The following NBEAL1 variants were observed in gnomAD, a reference collection of about 807,000 sequenced individuals.
NBEAL1 encodes the protein neurobeachin-like protein 1.
NBEAL1 carries 273 observed loss-of-function variants against 351.3 expected under a neutral mutation model. The ratio of observed to expected loss-of-function variants is 0.78; its 90% CI spans 0.70 to 0.86. The LOEUF (loss-of-function observed/expected upper bound fraction) is 0.86, where lower values mean the gene tolerates loss of function less well. Ranked by LOEUF, NBEAL1 falls within the 40% of genes least tolerant of loss-of-function variation. NBEAL1 has a pLI of 0.00. For missense variants in NBEAL1, 2,961 were observed against 3,201.3 expected (o/e 0.92, Z 1.81); for synonymous variants, 1,050 against 1,086.4 (o/e 0.97, Z 0.66).
In NBEAL1 at chr2:203,209,348, G is replaced by A. The variant is rs769955388; in HGVS notation, c.7785+26G>A. 3.2e-6 allele frequency: 5 copies of A among 1,569,288 alleles called. No individual in the cohort carries two copies. In the African/African-American group the frequency reaches 5.4e-5, roughly 17 times the overall value. On this transcript the variant is annotated intron_variant, in intron 53 of 55. Coordinates refer to ENST00000683969, the MANE Select transcript of NBEAL1 (RefSeq NM_001378026.1). Reference sequence around the variant, plus strand: ...GTATATGACCTTTCATGCAATAGAGGTAGACTCCCAATAGCATATCTTTCC... The same window carrying A: ...GTATATGACCTTTCATGCAATAGAGATAGACTCCCAATAGCATATCTTTCC...
intron 36 of NBEAL1, among the ~76,000 whole-genome samples, 154 bp from the exon 37 acceptor site, chr2:203,165,995 C>T (rs372938736): frequency 1.3e-5 from 2 of 151,750 alleles, no homozygotes; most frequent in African/African-American, 2.4e-5. Flanking sequence ...GTGATTGAGC[C>T]GACATTGTGC....
At chr2:203,162,883 G>T (rs193137645) in intron 36 of NBEAL1, among the ~76,000 whole-genome samples, 7 of 151,942 alleles carry the variant, frequency 4.6e-5, no homozygotes, top group African/African-American at 1.7e-4. Flanking sequence ...GCCAGGTGCG[G>T]TGGCTCACGC....
intron 11 of NBEAL1, among the ~76,000 whole-genome samples, chr2:203,099,193 T>G (rs1308610488): frequency 6.6e-6 from 1 of 151,824 alleles, no homozygotes; most frequent in Non-Finnish European, 1.5e-5. Flanking sequence ...GGAGAATCAC[T>G]TGAACCTGGG....
At chr2:203,068,188 A>G (rs2061624534) in intron 6 of NBEAL1, among the ~76,000 whole-genome samples, 1 of 152,232 alleles carries the variant, frequency 6.6e-6, no homozygotes, top group Non-Finnish European at 1.5e-5. Context: ...ACCATGTTGC[A>G]TAATTCAAAA....
chr2:203,079,691 G>A lies in NBEAL1; in HGVS notation c.684+1854G>A, dbSNP rs150721632. ...TTTAAATTATAATTTAAAAAACTTA[G>A]AAACCTGTATTTTTAAAAACTTAAG... On this transcript the variant is annotated intron_variant, in intron 8 of 55. Transcript: ENST00000683969. Among the ~76,000 whole-genome samples, 976 of 152,036 alleles carry A rather than the reference G, an allele frequency of 6.4e-3. 2 individuals are homozygous for A. Among genetic ancestry groups the A allele is most frequent in the Non-Finnish European group, 0.01 (682 of 67,970 alleles).
intron 11 of NBEAL1, among the ~76,000 whole-genome samples, chr2:203,099,411 G>C (rs2062258188): frequency 1.3e-5 from 2 of 152,010 alleles, no homozygotes; most frequent in African/African-American, 2.4e-5. Context: ...TGTAATAAGT[G>C]AATGTTGCCT....
At chr2:203,051,055 T>G (rs935488176) in intron 4 of NBEAL1, among the ~76,000 whole-genome samples, 2 of 152,252 alleles carry the variant, frequency 1.3e-5, no homozygotes, top group Non-Finnish European at 2.9e-5. Flanking sequence ...AGTGGATGAA[T>G]AGGGACTTAA....
At chr2:203,024,199 C>T (rs966924687) in intron 2 of NBEAL1, among the ~76,000 whole-genome samples, 8 of 88,084 alleles carry the variant, frequency 9.1e-5, no homozygotes, top group African/African-American at 3.4e-4. Context: ...CTTTCTCACA[C>T]AAAAAAAAAA....
intron 2 of NBEAL1, among the ~76,000 whole-genome samples, chr2:203,024,107 AT>A (rs1322053307): frequency 6.7e-6 from 1 of 150,314 alleles, no homozygotes; most frequent in African/African-American, 2.5e-5. Flanking sequence ...AGGGTGGGAG[AT>A]TTGCTTGAGC....
chr2:203,084,487 G>A lies in NBEAL1; in HGVS notation c.1016G>A (p.Cys339Tyr). 1.3e-6 allele frequency: 2 copies of A among 1,522,840 alleles called. No homozygotes were observed. Among genetic ancestry groups the A allele is most frequent in the East Asian group, 2.5e-5 (1 of 40,228 alleles). The allele number at this position is 1,522,840 out of a possible 1,614,324, so 94.3% of individuals were successfully genotyped here. ...GATACCATCACAGCCATGTTAGATT[G>A]TACAGATAGACCTGTTCTTCAGGCC... is the stretch of plus-strand genomic sequence containing the variant. Reference protein sequence around the residue: ...MLNTITAMLDCTDRPVLQAIF... With the variant: ...MLNTITAMLDYTDRPVLQAIF... The change falls in exon 10 of 56, where the codon TGT becomes TAT. Residue 339 changes from cysteine (C) to tyrosine (Y), a missense_variant. By Grantham distance (194) the Cys-to-Tyr change is radical. Transcript: ENST00000683969.
chr2:203,094,860 G>A (rs1202694226), intron 10 of NBEAL1, among the ~76,000 whole-genome samples: 2 of 152,172 alleles, frequency 1.3e-5, no homozygotes, highest in African/African-American at 2.4e-5. Flanking sequence ...AGTGGCTCAC[G>A]CCTGTAATCC....
intron 6 of NBEAL1, among the ~76,000 whole-genome samples, chr2:203,066,323 C>CTTTTTTT (rs35459326): frequency 7.1e-6 from 1 of 139,984 alleles, no homozygotes; most frequent in Non-Finnish European, 1.5e-5. Context: ...AAATTTTATC[C>CTTTTTTT]TTTTTTTTTT....
At chr2:203,049,677 A>G in intron 3 of NBEAL1, 137 bp from the exon 4 acceptor site, 1 of 651,330 alleles carries the variant, frequency 1.5e-6, no homozygotes, top group South Asian at 2.4e-5. Context: ...TGTGTTGCAG[A>G]CGAGAAGGCA....
chr2:203,110,776 T>TTG (rs2062553488), intron 15 of NBEAL1, among the ~76,000 whole-genome samples: 1 of 143,748 alleles, frequency 7.0e-6, no homozygotes, highest in Non-Finnish European at 1.5e-5. Flanking sequence ...TCTTTTTTTT[T>TTG]TTTTTTTTGA....
intron 14 of NBEAL1, 112 bp from the exon 15 acceptor site, chr2:203,110,038 C>A: frequency 9.5e-7 from 1 of 1,052,756 alleles, no homozygotes; most frequent in Non-Finnish European, 1.3e-6. Context: ...GAATTTAAGC[C>A]ACAGAATTGT....
At chr2:203,066,453 A>G (rs2061588252) in intron 6 of NBEAL1, among the ~76,000 whole-genome samples, 1 of 152,128 alleles carries the variant, frequency 6.6e-6, no homozygotes, top group African/African-American at 2.4e-5. Flanking sequence ...ACAGAACAAA[A>G]TGGTATCTCC....
rs192842974 is a variant in NBEAL1 at position 203,087,903 on chromosome 2, G to A, written c.1098+3334G>A. On this transcript the variant is annotated intron_variant, in intron 10 of 55. Transcript: ENST00000683969. ...AGCTTAATAAATAAAGTTGAAAATC[G>A]ATTAAATTTGCAGTTGGTTGCCTAG... is the stretch of plus-strand genomic sequence containing the variant. Among the ~76,000 whole-genome samples, 106 of 152,272 alleles carry A rather than the reference G, an allele frequency of 7.0e-4. 2 individuals carry two copies. In the South Asian group the frequency reaches 0.019, roughly 27 times the overall value.
At chr2:203,049,081 A>T (rs2061280424) in intron 3 of NBEAL1, among the ~76,000 whole-genome samples, 2 of 152,022 alleles carry the variant, frequency 1.3e-5, no homozygotes, top group Admixed American at 1.3e-4. Context: ...ATCTTGGCTC[A>T]CTGCAACCTC....
At chr2:203,153,078 A>T (rs1677371987) in intron 35 of NBEAL1, among the ~76,000 whole-genome samples, 1 of 152,056 alleles carries the variant, frequency 6.6e-6, no homozygotes, top group Admixed American at 6.6e-5. Flanking sequence ...AGTCATAGGC[A>T]TATTATGTTG....
Sources: gnomAD v4.1 joint callset for allele counts (sites outside exome capture counted in the v4.1 genomes callset) on GRCh38, gnomAD v4.1.1 for gene constraint, MANE v1.5 for transcripts, NCBI Gene and HGNC (gene_info 2026-07-23, HGNC 2026-07-21) for gene names.